The following NEDD4 variants were observed in gnomAD, a reference collection of about 807,000 sequenced individuals.
The protein encoded by NEDD4 is E3 ubiquitin-protein ligase NEDD4.
Under a neutral mutation model 144.9 loss-of-function variants are expected in NEDD4, and 99 were observed. That is an observed-to-expected ratio of 0.68 (90% CI 0.58 to 0.81). The LOEUF is 0.81. NEDD4 is among the 30% of genes least tolerant of loss of function. The pLI is 0.00. For synonymous variants in NEDD4, 318 were observed against 350.6 expected, an observed-to-expected ratio of 0.91 and a Z score of 1.04; for missense variants, 985 against 1,065.9, an observed-to-expected ratio of 0.92 and a Z score of 1.06.
chr15:55,915,300 A>G (rs1357500275), intron 5 of NEDD4: 1 of 1,588,578 alleles, frequency 6.3e-7, no homozygotes, highest in Non-Finnish European at 8.5e-7. Flanking sequence ...AGAATTAGAC[A>G]GTTCATTTGT....
intron 5 of NEDD4, among the ~76,000 whole-genome samples, chr15:55,908,842 C>T (rs897807158): frequency 1.3e-5 from 2 of 151,948 alleles, no homozygotes; most frequent in Non-Finnish European, 2.9e-5. Context: ...GAGTTCAAAT[C>T]CAGCTTGTGT....
chr15:55,854,426 A>G (rs1301075671), intron 12 of NEDD4, among the ~76,000 whole-genome samples: 3 of 152,178 alleles, frequency 2.0e-5, no homozygotes, highest in African/African-American at 4.8e-5. Context: ...TAGTGGATAT[A>G]TCTCTACAGT....
chr15:55,938,301 G>A (rs1241803174), intron 4 of NEDD4, among the ~76,000 whole-genome samples: 1 of 152,146 alleles, frequency 6.6e-6, no homozygotes, highest in Non-Finnish European at 1.5e-5. Flanking sequence ...GGTGGTTGCG[G>A]TGAGCCGAGA....
At chr15:55,870,529 CT>C (rs58174546) in intron 7 of NEDD4, among the ~76,000 whole-genome samples, 36 of 117,450 alleles carry the variant, frequency 3.1e-4, no homozygotes, top group African/African-American at 1.0e-3. Flanking sequence ...TCTTCTTCTT[CT>C]TTTTTTTTTT....
At chr15:55,859,888 C>T (rs538347865) in intron 11 of NEDD4, among the ~76,000 whole-genome samples, 1 of 152,276 alleles carries the variant, frequency 6.6e-6, no homozygotes, top group Non-Finnish European at 1.5e-5. Context: ...AAACATTTCC[C>T]CATCCTGGCA....
intron 1 of NEDD4, among the ~76,000 whole-genome samples, chr15:55,966,910 CAG>C (rs1386195550): frequency 1.3e-5 from 2 of 151,866 alleles, no homozygotes; most frequent in East Asian, 1.9e-4. Context: ...TTTTTTGAGA[CAG>C]AGTCTCACTC....
chr15:55,963,149 T>G (rs2037453682), intron 2 of NEDD4, among the ~76,000 whole-genome samples: 2 of 151,244 alleles, frequency 1.3e-5, no homozygotes, highest in Admixed American at 6.6e-5. Context: ...TTTTTTTTTT[T>G]GAGACAGGGT....
chr15:55,866,220 C>CTT (rs199861047), intron 8 of NEDD4, among the ~76,000 whole-genome samples: 36 of 147,428 alleles, frequency 2.4e-4, no homozygotes, highest in Admixed American at 1.1e-3. Flanking sequence ...AACCTTTCTT[C>CTT]TTTTTTTTTT....
At chr15:55,876,255 GGA>G (rs2034989067) in intron 5 of NEDD4, among the ~76,000 whole-genome samples, 1 of 152,058 alleles carries the variant, frequency 6.6e-6, no homozygotes, top group South Asian at 2.1e-4. Context: ...ATATGCTATA[GGA>G]AGTTCTTCAG....
At position 55,863,039 on chromosome 15, in the gene NEDD4, T is replaced by C. The variant is rs149088239; in HGVS notation, c.548A>G (p.His183Arg). Residue 183 changes from histidine (H) to arginine (R), a missense_variant, in exon 9 of 29, where the codon CAT becomes CGT. Transcript: ENST00000435532. ...AGAAGGTTCTTGTTGTTGCTGCAAATGGCAAGCAGCATCTGGTTGGTCCAA... is the reference window on the plus strand; with the variant it reads ...AGAAGGTTCTTGTTGTTGCTGCAAACGGCAAGCAGCATCTGGTTGGTCCAA... Reference protein sequence around the residue: ...VVLDQPDAACHLQQQQEPSPL... With the variant: ...VVLDQPDAACRLQQQQEPSPL... 7.5e-6 allele frequency: 12 copies of C among 1,603,670 alleles called. No individual in the cohort carries two copies. The highest frequency in any genetic ancestry group is 1.3e-5 in the African/African-American group (1 of 74,694).
intron 22 of NEDD4, 37 bp downstream of exon 22, chr15:55,838,472 A>G: frequency 7.2e-7 from 1 of 1,394,248 alleles, no homozygotes; most frequent in Non-Finnish European, 1.0e-6. Context: ...TTGTCTCACA[A>G]TTTATGTGCC....
chr15:55,867,794 G>A (rs2034635206), intron 8 of NEDD4, among the ~76,000 whole-genome samples: 1 of 152,316 alleles, frequency 6.6e-6, no homozygotes, highest in East Asian at 1.9e-4. Flanking sequence ...CGTGGCTCAC[G>A]CCTGTAGTCC....
At chr15:55,954,329 T>C (rs773090541) in intron 2 of NEDD4, among the ~76,000 whole-genome samples, 2 of 152,204 alleles carry the variant, frequency 1.3e-5, no homozygotes, top group Non-Finnish European at 2.9e-5. Context: ...TAAATACTGA[T>C]ATTCCCTAAG....
intron 5 of NEDD4, among the ~76,000 whole-genome samples, chr15:55,913,174 C>CATTA (rs2036329530): frequency 6.6e-6 from 1 of 152,044 alleles, no homozygotes; most frequent in Non-Finnish European, 1.5e-5. Context: ...AGATAGCTGA[C>CATTA]ATTACTAAAT....
chr15:55,960,991 G>A (rs1390949324), intron 2 of NEDD4, among the ~76,000 whole-genome samples: 2 of 152,162 alleles, frequency 1.3e-5, no homozygotes, highest in African/African-American at 4.8e-5. Flanking sequence ...GTGTTTTGTT[G>A]AGTTGCCTCC....
chr15:55,948,524 G>A (rs2037168508), intron 4 of NEDD4, among the ~76,000 whole-genome samples: 1 of 152,140 alleles, frequency 6.6e-6, no homozygotes, highest in Non-Finnish European at 1.5e-5. Context: ...GAACAAAGCT[G>A]GAGGCATCAT....
chr15:55,984,031 T>G (rs2037850136), intron 1 of NEDD4, among the ~76,000 whole-genome samples: 1 of 152,222 alleles, frequency 6.6e-6, no homozygotes, highest in East Asian at 1.9e-4. Flanking sequence ...AAGTATATTC[T>G]ATATCATTAT....
At chr15:55,934,748 T>A (rs980152994) in intron 4 of NEDD4, 5 of 151,694 alleles carry the variant, frequency 3.3e-5, no homozygotes, top group Non-Finnish European at 7.4e-5. Flanking sequence ...CCTTCCAGAA[T>A]TATTTTCTAA....
intron 4 of NEDD4, among the ~76,000 whole-genome samples, chr15:55,944,731 A>G (rs1354315798): frequency 6.6e-6 from 1 of 152,208 alleles, no homozygotes; most frequent in Non-Finnish European, 1.5e-5. Context: ...GACACTTCCC[A>G]GTAGGGGCCA....
Sources: allele counts gnomAD v4.1 joint callset (sites outside exome capture counted in the v4.1 genomes callset), GRCh38; gene constraint gnomAD v4.1.1; transcripts MANE v1.5; gene names NCBI Gene and HGNC (gene_info 2026-07-23, HGNC 2026-07-21).